USP15: variants seen among roughly 807,000 people sequenced by gnomAD.
USP15 encodes ubiquitin carboxyl-terminal hydrolase 15.
Under a neutral mutation model 127.1 loss-of-function variants are expected in USP15, and 18 were observed. The observed-to-expected ratio is 0.14, with a 90% CI of 0.10 to 0.21. The LOEUF (loss-of-function observed/expected upper bound fraction) is 0.21, where lower values mean the gene tolerates loss of function less well. Ranked by LOEUF, USP15 falls within the 10% of genes least tolerant of loss-of-function variation. The probability of loss-of-function intolerance (pLI) is 1.00; values close to 1 mark genes in which losing one functional copy is unlikely to be tolerated. For missense variants in USP15, 805 were observed against 1,159.9 expected, an observed-to-expected ratio of 0.69 and a Z score of 4.44; for synonymous variants, 364 against 393.7, an observed-to-expected ratio of 0.92 and a Z score of 0.89.
At chr12:62,289,749 G>A (rs2063903538) in intron 1 of USP15, among the ~76,000 whole-genome samples, 1 of 136,330 alleles carries the variant, frequency 7.3e-6, no homozygotes, top group African/African-American at 2.8e-5. Context: ...TTAGACAGCA[G>A]TATAAACTTT....
chr12:62,373,212 G>A (rs2066728717), intron 8 of USP15, among the ~76,000 whole-genome samples: 2 of 151,938 alleles, frequency 1.3e-5, no homozygotes, highest in African/African-American at 4.8e-5. Flanking sequence ...GACATCTGTA[G>A]TTACAGAATT....
rs1008379184 is a variant in USP15, at chr12:62,404,071, T to C, written c.2764-122T>C. The C allele has an allele frequency of 1.1e-5, 14 of 1,224,194 alleles. No individual in the cohort carries two copies. The Admixed American group carries it at 2.6e-4, about 23-fold the overall frequency. The allele number at this position is 1,224,194 out of a possible 1,614,324, so 75.8% of individuals were successfully genotyped here. On this transcript the variant is annotated intron_variant, in intron 21 of 21. Coordinates refer to ENST00000280377, the MANE Select transcript of USP15 (RefSeq NM_001252078.2). ...AATTTTAGTAACTTCCATTTGACCA[T>C]GCATGGTTTTTCTATTTGATTTATG...
chr12:62,295,709 G>A (rs565910358), intron 2 of USP15, among the ~76,000 whole-genome samples: 3 of 152,156 alleles, frequency 2.0e-5, no homozygotes, highest in African/African-American at 4.8e-5. Context: ...GGTAGTGAGG[G>A]TGAGACTAGA....
intron 7 of USP15, among the ~76,000 whole-genome samples, chr12:62,352,087 C>T (rs2065983417): frequency 6.6e-6 from 1 of 151,528 alleles, no homozygotes; most frequent in Admixed American, 6.6e-5. Flanking sequence ...TGGAAATAGT[C>T]TACAAGTATA....
intron 8 of USP15, among the ~76,000 whole-genome samples, chr12:62,356,107 G>C (rs1012926586): frequency 2.0e-5 from 3 of 151,186 alleles, no homozygotes; most frequent in Admixed American, 6.6e-5. Flanking sequence ...ATAAACTTAG[G>C]GCTGGTTATT....
chr12:62,271,965 C>T (rs570210638), intron 1 of USP15, among the ~76,000 whole-genome samples: 1 of 151,236 alleles, frequency 6.6e-6, no homozygotes, highest in Non-Finnish European at 1.5e-5. Flanking sequence ...GTAAACTATT[C>T]CATTGGTTTA....
chr12:62,333,354 AT>A (rs1241449597), intron 6 of USP15, among the ~76,000 whole-genome samples: 1 of 152,116 alleles, frequency 6.6e-6, no homozygotes, highest in African/African-American at 2.4e-5. Flanking sequence ...GTAGCCTCAA[AT>A]TCCCAGGCTC....
chr12:62,365,081 G>A (rs912989158), intron 8 of USP15, among the ~76,000 whole-genome samples: 1 of 152,084 alleles, frequency 6.6e-6, no homozygotes, highest in Non-Finnish European at 1.5e-5. Flanking sequence ...CCAGTAATGG[G>A]ATTGCTGGGT....
chr12:62,341,515 A>G (rs540590986), intron 6 of USP15, among the ~76,000 whole-genome samples: 1 of 152,114 alleles, frequency 6.6e-6, no homozygotes, highest in Admixed American at 6.6e-5. Context: ...AGTGGCTGGT[A>G]CCAGTTTTTC....
At chr12:62,346,058 C>A (rs929401725) in intron 6 of USP15, among the ~76,000 whole-genome samples, 1 of 152,072 alleles carries the variant, frequency 6.6e-6, no homozygotes, top group Non-Finnish European at 1.5e-5. Context: ...CGTTTCCTAA[C>A]GTAAAAGAGA....
chr12:62,371,276 A>G lies in USP15; in HGVS notation c.916-10214A>G, dbSNP rs114680299. ...TTGTATATACTGTTACCGCTTCCCT[A>G]CTTGCGTTTTTCATACTTTCTCTCT... On this transcript the variant is annotated intron_variant, in intron 8 of 21. Transcript: ENST00000280377. Among the ~76,000 whole-genome samples the G allele has an allele frequency of 9.2e-3, 1,405 of 152,236 alleles. 27 individuals are homozygous for G. Among genetic ancestry groups the G allele is most frequent in the African/African-American group, 0.032 (1,335 of 41,540 alleles).
At position 62,405,988 on chromosome 12, in the gene USP15, T is replaced by C. The variant is rs1280941940; in HGVS notation, c.*1613T>C. 1.3e-5 allele frequency: 2 copies of C among 151,896 alleles called. No individual in the cohort carries two copies. The highest frequency in any genetic ancestry group is 4.8e-5 in the African/African-American group (2 of 41,326). The allele number at this position is 151,896 out of a possible 1,614,324, so 9.4% of individuals were successfully genotyped here. On this transcript the variant is annotated 3_prime_UTR_variant, in exon 22 of 22. Coordinates refer to ENST00000280377, the MANE Select transcript of USP15 (RefSeq NM_001252078.2). ...CTTTGGGGTTTTTTTTTTCTTTTTT[T>C]TTTTTTTAATGTAAACTAACCTCCT...
intron 1 of USP15, chr12:62,267,195 C>G (rs1403309481): frequency 6.6e-6 from 1 of 152,022 alleles, no homozygotes; most frequent in Admixed American, 6.6e-5. Flanking sequence ...CATTCTGTGT[C>G]TCATATTCAT....
At chr12:62,397,519 A>G (rs934736029) in intron 20 of USP15, among the ~76,000 whole-genome samples, 1 of 151,952 alleles carries the variant, frequency 6.6e-6, no homozygotes, top group African/African-American at 2.4e-5. Context: ...TGCTTATATT[A>G]CACTATTTTT....
At chr12:62,323,427 C>A (rs1361806761) in intron 5 of USP15, among the ~76,000 whole-genome samples, 1 of 152,058 alleles carries the variant, frequency 6.6e-6, no homozygotes, top group Non-Finnish European at 1.5e-5. Context: ...AGTAAATGCC[C>A]ACTATATGTC....
At chr12:62,274,753 A>G (rs185109411) in intron 1 of USP15, among the ~76,000 whole-genome samples, 2 of 152,316 alleles carry the variant, frequency 1.3e-5, no homozygotes, top group Admixed American at 6.5e-5. Flanking sequence ...AACTAATATA[A>G]AAACACTTTG....
At chr12:62,401,069 C>A in intron 20 of USP15, 118 bp from the exon 21 acceptor site, 1 of 529,230 alleles carries the variant, frequency 1.9e-6, no homozygotes. Context: ...AATAAATAAG[C>A]CTCATAGATG....
chr12:62,332,182 A>AG (rs2065324007), intron 6 of USP15, among the ~76,000 whole-genome samples: 1 of 152,052 alleles, frequency 6.6e-6, no homozygotes, highest in African/African-American at 2.4e-5. Context: ...AAAAAAAAAA[A>AG]AAGTTTTCTA....
At chr12:62,325,640 T>C (rs2065103787) in intron 5 of USP15, among the ~76,000 whole-genome samples, 3 of 152,098 alleles carry the variant, frequency 2.0e-5, no homozygotes, top group Non-Finnish European at 4.4e-5. Context: ...TTACAGTTTA[T>C]CTTCTAGGAT....
Sources: allele counts gnomAD v4.1 joint callset (sites outside exome capture counted in the v4.1 genomes callset), GRCh38; gene constraint gnomAD v4.1.1; transcripts MANE v1.5; gene names NCBI Gene and HGNC (gene_info 2026-07-23, HGNC 2026-07-21).